The following ENPEP variants were observed in gnomAD, a reference collection of about 807,000 sequenced individuals.
ENPEP encodes the protein AP-A.
ENPEP carries 103 observed loss-of-function variants against 114.5 expected under a neutral mutation model. The ratio of observed to expected loss-of-function variants is 0.90; its 90% CI spans 0.77 to 1.06. ENPEP has a LOEUF of 1.06. ENPEP is among the 50% of genes least tolerant of loss of function. The probability of loss-of-function intolerance (pLI) is 0.00; values close to 1 mark genes in which losing one functional copy is unlikely to be tolerated. For missense variants in ENPEP, 1,196 were observed against 1,161.3 expected, an observed-to-expected ratio of 1.03 and a Z score of -0.43; for synonymous variants, 420 against 422.0, an observed-to-expected ratio of 1.00 and a Z score of 0.06.
intron 6 of ENPEP, 38 bp from the exon 7 acceptor site, chr4:110,513,377 G>A (rs1289756585): frequency 3.8e-6 from 6 of 1,586,014 alleles, no homozygotes; most frequent in Non-Finnish European, 5.1e-6. Context: ...TAGTATAAAG[G>A]AAATACTATA....
intron 3 of ENPEP, among the ~76,000 whole-genome samples, chr4:110,492,381 C>T (rs906726509): frequency 6.6e-6 from 1 of 152,200 alleles, no homozygotes; most frequent in African/African-American, 2.4e-5. Context: ...TTTACCTCTT[C>T]ATCAGTCACT....
chr4:110,546,214 GTTAGTCCTGCT>G (rs1015397357), intron 13 of ENPEP, among the ~76,000 whole-genome samples: 25 of 152,072 alleles, frequency 1.6e-4, no homozygotes, highest in Admixed American at 1.6e-3. Context: ...TCTTGACCAT[GTTAGTCCTGCT>G]TTGGGGTCCT....
In ENPEP at chr4:110,548,341, A is replaced by G; in HGVS notation, c.2151+15A>G. 6.6e-7 allele frequency: 1 copy of G among 1,522,186 alleles called. No individual in the cohort carries two copies. The highest frequency in any genetic ancestry group is 8.8e-7 in the Non-Finnish European group (1 of 1,136,196). 94.3% of individuals were successfully genotyped at this position (1,522,186 alleles called of 1,614,324 possible). A position where few individuals can be genotyped will look rare whatever the true frequency, so the allele number is the denominator to read the frequency against. ...CTATGATTGAGGTGACGTTAATGCT[A>G]TGGTATCTTATGAAAGTAAATGTTT... On this transcript the variant is annotated intron_variant, in intron 14 of 19. Coordinates refer to ENST00000265162, the MANE Select transcript of ENPEP (RefSeq NM_001977.4).
intron 1 of ENPEP, 105 bp from the exon 2 acceptor site, chr4:110,488,436 T>C (rs1208195127): frequency 2.3e-6 from 3 of 1,319,040 alleles, no homozygotes; most frequent in Non-Finnish European, 2.9e-6. Context: ...AGAAATGTAA[T>C]AGTTATAATT....
chr4:110,557,422 C>T (rs1727518801), intron 18 of ENPEP, among the ~76,000 whole-genome samples: 1 of 152,062 alleles, frequency 6.6e-6, no homozygotes, highest in Non-Finnish European at 1.5e-5. Context: ...AGTCAGGTAC[C>T]AGAATGTATC....
intron 3 of ENPEP, chr4:110,506,221 A>G (rs1313323833): frequency 9.5e-6 from 1 of 105,794 alleles, no homozygotes; most frequent in Admixed American, 8.2e-5. Context: ...AGACAGAGAA[A>G]GAGAAAGAGA....
chr4:110,507,557 G>T (rs1219876455), intron 4 of ENPEP, among the ~76,000 whole-genome samples: 1 of 152,230 alleles, frequency 6.6e-6, no homozygotes, highest in Non-Finnish European at 1.5e-5. Context: ...CTCTGCATGG[G>T]AATGGCTGTG....
At chr4:110,507,327 C>G (rs1725408695) in intron 4 of ENPEP, among the ~76,000 whole-genome samples, 2 of 152,108 alleles carry the variant, frequency 1.3e-5, no homozygotes, top group Non-Finnish European at 2.9e-5. Flanking sequence ...GGGCTACAAC[C>G]AAAATGGTGT....
chr4:110,560,558 A>G (rs548702528), intron 19 of ENPEP, among the ~76,000 whole-genome samples: 1 of 152,280 alleles, frequency 6.6e-6, no homozygotes, highest in Admixed American at 6.5e-5. Flanking sequence ...CCTCTAAGAA[A>G]GTTTAAAAGC....
At position 110,476,669 on chromosome 4, in the gene ENPEP, C is replaced by G. The variant is rs769982481; in HGVS notation, c.255C>G (p.Ser85Arg). The G allele has an allele frequency of 5.6e-6, 9 of 1,613,730 alleles. No individual in the cohort carries two copies. Among genetic ancestry groups the G allele is most frequent in the Admixed American group, 3.3e-5 (2 of 59,996 alleles). ...QDICPASEDE[S>R]GQWKNFRLPD... The stretch of plus-strand genomic sequence containing the variant: ...TCTGCCCGGCCAGTGAGGATGAGAG[C>G]GGACAGTGGAAAAACTTTCGACTGC... Residue 85 changes from serine (S) to arginine (R), a missense_variant, in exon 1 of 20, where the codon AGC becomes AGG. Coordinates refer to ENST00000265162, the MANE Select transcript of ENPEP (RefSeq NM_001977.4).
intron 1 of ENPEP, among the ~76,000 whole-genome samples, chr4:110,484,848 G>T (rs1724445833): frequency 6.6e-6 from 1 of 150,944 alleles, no homozygotes; most frequent in African/African-American, 2.4e-5. Flanking sequence ...CATGGCTATA[G>T]CTTAGGAAAG....
At position 110,559,842 on chromosome 4, in the gene ENPEP, G is replaced by C. The variant is rs1727620157; in HGVS notation, c.2721+117G>C. 4.0e-6 allele frequency: 3 copies of C among 759,168 alleles called. No homozygotes were observed. The Admixed American group carries it at 7.0e-5, about 18-fold the overall frequency. The allele number at this position is 759,168 out of a possible 1,614,324, so 47.0% of individuals were successfully genotyped here. A position where few individuals can be genotyped will look rare whatever the true frequency, so the allele number is the denominator to read the frequency against. On this transcript the variant is annotated intron_variant, in intron 19 of 19. Coordinates refer to ENST00000265162, the MANE Select transcript of ENPEP (RefSeq NM_001977.4). ...GCAGAATGTGCAGGTTTGTTACGTA[G>C]GTATACACGTGCCATGGTGGTTTGC...
At chr4:110,517,541 A>G (rs1437640383) in intron 8 of ENPEP, among the ~76,000 whole-genome samples, 1 of 152,230 alleles carries the variant, frequency 6.6e-6, no homozygotes, top group African/African-American at 2.4e-5. Context: ...TTGATAGAGA[A>G]GTACTAAGAT....
At chr4:110,480,210 A>G (rs1004547320) in intron 1 of ENPEP, among the ~76,000 whole-genome samples, 2 of 152,234 alleles carry the variant, frequency 1.3e-5, no homozygotes, top group African/African-American at 4.8e-5. Context: ...CTGCACACAC[A>G]TGGTTTTGGA....
chr4:110,507,937 T>C (rs1254280094), intron 4 of ENPEP, among the ~76,000 whole-genome samples: 1 of 152,210 alleles, frequency 6.6e-6, no homozygotes, highest in Admixed American at 6.5e-5. Flanking sequence ...ATTGTGTCAC[T>C]GCAGTCTAGG....
chr4:110,527,894 G>GT (rs764068189), intron 10 of ENPEP, among the ~76,000 whole-genome samples: 2 of 152,078 alleles, frequency 1.3e-5, no homozygotes, highest in African/African-American at 4.8e-5. Flanking sequence ...AAACTAAGGA[G>GT]TTTTTTTAAT....
intron 3 of ENPEP, among the ~76,000 whole-genome samples, chr4:110,505,572 G>T (rs1352707410): frequency 6.6e-6 from 1 of 152,164 alleles, no homozygotes; most frequent in Non-Finnish European, 1.5e-5. Context: ...ACCAAAACTA[G>T]CAACGCATTG....
chr4:110,485,673 G>C (rs1578390460), intron 1 of ENPEP, among the ~76,000 whole-genome samples: 2 of 152,220 alleles, frequency 1.3e-5, no homozygotes, highest in African/African-American at 4.8e-5. Flanking sequence ...TGCCCTTTTA[G>C]ACTCCTTTAA....
At chr4:110,521,084 G>T (rs532027118) in intron 10 of ENPEP, among the ~76,000 whole-genome samples, 7 of 152,182 alleles carry the variant, frequency 4.6e-5, no homozygotes, top group Middle Eastern at 3.2e-3. Flanking sequence ...GGCTGGAGCT[G>T]ACAGCACCCC....
Sources: gnomAD v4.1 joint callset for allele counts (sites outside exome capture counted in the v4.1 genomes callset) on GRCh38, gnomAD v4.1.1 for gene constraint, MANE v1.5 for transcripts, NCBI Gene and HGNC (gene_info 2026-07-23, HGNC 2026-07-21) for gene names.